Variants in BLTP3A observed in about 807,000 individuals in gnomAD.
BLTP3A encodes ICBP90 binding protein 1.
chr6:34,815,540 G>A, the BLTP3A span, among the ~76,000 whole-genome samples: 7 of 152,068 alleles, frequency 4.6e-5, no homozygotes, highest in Middle Eastern at 3.2e-3. Context: ...GTGAGCCACC[G>A]TGTCTGGCCA....
chr6:34,845,814 G>A, the BLTP3A span, among the ~76,000 whole-genome samples: 1 of 151,868 alleles, frequency 6.6e-6, no homozygotes, highest in East Asian at 1.9e-4. Context: ...AGCCAGGATG[G>A]TCTCGATCTC....
chr6:34,828,592 G>A, the BLTP3A span, among the ~76,000 whole-genome samples: 1 of 152,052 alleles, frequency 6.6e-6, no homozygotes, highest in Non-Finnish European at 1.5e-5. Context: ...AGTTTAGCCA[G>A]TTCTCTGTTG....
At chr6:34,818,490 G>A in the BLTP3A span, among the ~76,000 whole-genome samples, 18 of 150,392 alleles carry the variant, frequency 1.2e-4, no homozygotes, top group South Asian at 2.3e-3. Context: ...AGAAAAAAAC[G>A]AGACTCAATG....
At chr6:34,846,968 A>G in the BLTP3A span, among the ~76,000 whole-genome samples, 2 of 152,162 alleles carry the variant, frequency 1.3e-5, no homozygotes, top group African/African-American at 4.8e-5. Flanking sequence ...GGTTTTTGTC[A>G]TGAGGGATGT....
At chr6:34,834,115 G>A in the BLTP3A span, 2 of 1,257,620 alleles carry the variant, frequency 1.6e-6, no homozygotes, top group African/African-American at 3.0e-5. Context: ...AAAATAAAAA[G>A]ACTACTGTAT....
the BLTP3A span, among the ~76,000 whole-genome samples, chr6:34,815,607 C>T: frequency 6.6e-6 from 1 of 151,946 alleles, no homozygotes; most frequent in Non-Finnish European, 1.5e-5. Flanking sequence ...TTGATCTGGT[C>T]CAGCCTATGG....
the BLTP3A span, chr6:34,871,174 T>A: frequency 6.4e-7 from 1 of 1,554,782 alleles, no homozygotes; most frequent in Non-Finnish European, 8.7e-7. Context: ...TGCCCTGGAC[T>A]TTGTCAAGCA....
the BLTP3A span, among the ~76,000 whole-genome samples, chr6:34,844,910 A>G: frequency 6.6e-6 from 1 of 152,168 alleles, no homozygotes; most frequent in South Asian, 2.1e-4. Flanking sequence ...TGGGAGCATT[A>G]CTCAAGAAAT....
the BLTP3A span, chr6:34,859,391 A>G: frequency 4.8e-4 from 774 of 1,614,054 alleles, no homozygotes; most frequent in Non-Finnish European, 6.3e-4. Context: ...ATCCCCTTGA[A>G]GAACATTGAG....
At chr6:34,832,286 A>G in the BLTP3A span, among the ~76,000 whole-genome samples, 1 of 150,892 alleles carries the variant, frequency 6.6e-6, no homozygotes, top group Non-Finnish European at 1.5e-5. Context: ...GTATCTGGCT[A>G]ATTTTTTCTA....
the BLTP3A span, among the ~76,000 whole-genome samples, chr6:34,850,548 A>T: frequency 1.3e-5 from 2 of 151,768 alleles, no homozygotes; most frequent in African/African-American, 4.8e-5. Context: ...ATTCTTTTTT[A>T]TTCTTTTTTC....
chr6:34,831,887 T>C, the BLTP3A span, among the ~76,000 whole-genome samples: 1 of 152,276 alleles, frequency 6.6e-6, no homozygotes, highest in East Asian at 1.9e-4. Context: ...TGATCTTGGC[T>C]CACTGCAACC....
chr6:34,875,563 C>T, the BLTP3A span: 1 of 151,978 alleles, frequency 6.6e-6, no homozygotes, highest in African/African-American at 2.4e-5. Context: ...CAGTAAGTAC[C>T]AAGGCTAACC....
At chr6:34,870,975 C>G in the BLTP3A span, 1 of 1,614,136 alleles carries the variant, frequency 6.2e-7, no homozygotes, top group Admixed American at 1.7e-5. Flanking sequence ...AAAATGGCTT[C>G]CTACATTTAT....
the BLTP3A span, among the ~76,000 whole-genome samples, chr6:34,864,822 G>T: frequency 2.0e-5 from 3 of 152,030 alleles, no homozygotes; most frequent in Non-Finnish European, 4.4e-5. Flanking sequence ...AGAAAAATTA[G>T]CTGGGCTTAG....
At chr6:34,807,512 A>C in the BLTP3A span, among the ~76,000 whole-genome samples, 2 of 152,204 alleles carry the variant, frequency 1.3e-5, no homozygotes, top group East Asian at 3.8e-4. Context: ...TTGTGCTTAG[A>C]GGAGGGAATT....
chr6:34,823,496 C>G, the BLTP3A span: 1 of 584,966 alleles, frequency 1.7e-6, no homozygotes, highest in South Asian at 2.0e-5. Context: ...TACCCAAGAT[C>G]TAATTTCAAC....
chr6:34,864,132 G>A, the BLTP3A span: 3 of 1,614,104 alleles, frequency 1.9e-6, no homozygotes, highest in South Asian at 2.2e-5. Flanking sequence ...GGATAGCAGT[G>A]GCCCTGAAGA....
At chr6:34,828,808 G>C in the BLTP3A span, among the ~76,000 whole-genome samples, 2 of 151,696 alleles carry the variant, frequency 1.3e-5, no homozygotes. Flanking sequence ...TGGGTGGATC[G>C]CCTGAAGTCA....
Sources: allele counts gnomAD v4.1 joint callset (sites outside exome capture counted in the v4.1 genomes callset), GRCh38; gene constraint gnomAD v4.1.1; transcripts MANE v1.5; gene names NCBI Gene and HGNC (gene_info 2026-07-23, HGNC 2026-07-21).